Variants in EBF3 observed in about 807,000 individuals in gnomAD.
The protein encoded by EBF3 is EBF transcription factor 3.
EBF3 carries 18 observed loss-of-function variants against 77.1 expected under a neutral mutation model. The ratio of observed to expected loss-of-function variants is 0.23; its 90% CI spans 0.16 to 0.35. EBF3 has a LOEUF of 0.35. EBF3 is among the 10% of genes least tolerant of loss of function. The pLI, the probability that EBF3 is intolerant of heterozygous loss-of-function variation, is 1.00. For missense variants in EBF3, 558 were observed against 860.0 expected, an observed-to-expected ratio of 0.65 and a Z score of 4.39; for synonymous variants, 350 against 343.5, an observed-to-expected ratio of 1.02 and a Z score of -0.21.
chr10:129,875,189 T>TCTTC (rs1364426105), intron 7 of EBF3, among the ~76,000 whole-genome samples: 2 of 99,462 alleles, frequency 2.0e-5, no homozygotes, highest in African/African-American at 7.5e-5. Context: ...GGCTTCTTCT[T>TCTTC]TTTTTTTTTT....
In EBF3 at chr10:129,914,252, C is replaced by T. The variant is rs141994168; in HGVS notation, c.555-36403G>A. Among the ~76,000 whole-genome samples, 631 of 152,260 alleles carry T rather than the reference C, an allele frequency of 4.1e-3. 9 individuals are homozygous for T. The highest frequency in any genetic ancestry group is 0.014 in the African/African-American group (592 of 41,556). ...TGAAGACCGAGGCGGCTGAGGAGGG[C>T]AATCTTGCACATTTCAGACAAAGAG... On this transcript the variant is annotated intron_variant, in intron 6 of 16. Transcript: ENST00000440978.
intron 6 of EBF3, among the ~76,000 whole-genome samples, chr10:129,946,396 G>C (rs1371037488): frequency 6.6e-6 from 1 of 152,276 alleles, no homozygotes; most frequent in African/African-American, 2.4e-5. Flanking sequence ...GAGGAAACAT[G>C]AGCGGCAGTT....
intron 10 of EBF3, among the ~76,000 whole-genome samples, chr10:129,849,707 G>A (rs1361999895): frequency 6.6e-6 from 1 of 152,220 alleles, no homozygotes; most frequent in Non-Finnish European, 1.5e-5. Flanking sequence ...ATACATCCCG[G>A]AGATAAAGGT....
intron 6 of EBF3, among the ~76,000 whole-genome samples, chr10:129,949,628 C>T (rs1014068882): frequency 3.3e-5 from 5 of 152,268 alleles, no homozygotes; most frequent in East Asian, 1.9e-4. Context: ...AATCAAATCC[C>T]GGGCTTGTAC....
chr10:129,883,053 G>C (rs534044756), intron 6 of EBF3, among the ~76,000 whole-genome samples: 5 of 152,202 alleles, frequency 3.3e-5, no homozygotes, highest in Non-Finnish European at 7.4e-5. Flanking sequence ...CTTGCTTTTT[G>C]CATGTGGCTA....
At chr10:129,898,955 G>A (rs895408402) in intron 6 of EBF3, among the ~76,000 whole-genome samples, 24 of 152,206 alleles carry the variant, frequency 1.6e-4, no homozygotes, top group African/African-American at 5.3e-4. Flanking sequence ...AGGAGAAGAC[G>A]TTTTTGGTGT....
intron 11 of EBF3, among the ~76,000 whole-genome samples, chr10:129,847,640 A>G (rs1850564896): frequency 1.3e-5 from 2 of 152,218 alleles, no homozygotes. Flanking sequence ...AATCAGCCAT[A>G]ATGTTATGAC....
chr10:129,875,202 T>C (rs1255307324), intron 7 of EBF3, among the ~76,000 whole-genome samples: 1 of 138,448 alleles, frequency 7.2e-6, no homozygotes, highest in African/African-American at 2.8e-5. Context: ...TTTTTTTTTT[T>C]TTTTTTTTTT....
chr10:129,919,348 C>A (rs992091706), intron 6 of EBF3, among the ~76,000 whole-genome samples: 1 of 152,064 alleles, frequency 6.6e-6, no homozygotes, highest in Non-Finnish European at 1.5e-5. Flanking sequence ...TGGGAGGGGT[C>A]TGGCCCAGCA....
At position 129,938,965 on chromosome 10, in the gene EBF3, C is replaced by T. The variant is rs1339972213; in HGVS notation, c.554+18293G>A. On this transcript the variant is annotated intron_variant, in intron 6 of 16. Coordinates refer to ENST00000440978, the MANE Select transcript of EBF3 (RefSeq NM_001375380.1). The surrounding 1 kb of genome is among the most constrained non-coding windows in gnomAD (Gnocchi z 5.1). Reference sequence around the variant, plus strand: ...ATCCTTTAAACAGCTCCTAGAACCTCTGACCTGTCCCAAACAAATAAATGA... The same window carrying T: ...ATCCTTTAAACAGCTCCTAGAACCTTTGACCTGTCCCAAACAAATAAATGA... 2.6e-5 allele frequency among the ~76,000 whole-genome samples: 4 copies of T among 152,234 alleles called. No individual in the cohort carries two copies. Among genetic ancestry groups the T allele is most frequent in the Non-Finnish European group, 5.9e-5 (4 of 68,044 alleles).
At chr10:129,856,276 C>CA (rs904860077) in intron 10 of EBF3, among the ~76,000 whole-genome samples, 50 of 147,550 alleles carry the variant, frequency 3.4e-4, no homozygotes, top group South Asian at 4.3e-4. Context: ...CATATGTTCA[C>CA]AAAAAAAAAA....
intron 14 of EBF3, 65 bp from the exon 15 acceptor site, chr10:129,840,507 A>T (rs572522850): frequency 6.6e-7 from 1 of 1,511,506 alleles, no homozygotes; most frequent in Non-Finnish European, 8.9e-7. Flanking sequence ...AGAGGGCACC[A>T]AAGGCCTCGC....
chr10:129,928,162 T>C (rs1201057292), intron 6 of EBF3, among the ~76,000 whole-genome samples: 2 of 152,296 alleles, frequency 1.3e-5, no homozygotes, highest in East Asian at 3.9e-4. Flanking sequence ...GGCAGAAACC[T>C]GACAGACGTG....
chr10:129,858,224 C>T (rs577147483), intron 10 of EBF3, among the ~76,000 whole-genome samples: 3 of 152,186 alleles, frequency 2.0e-5, no homozygotes, highest in African/African-American at 4.8e-5. Flanking sequence ...TGGTGTCTGC[C>T]GGTGACACGT....
intron 6 of EBF3, among the ~76,000 whole-genome samples, chr10:129,941,821 G>A (rs1857763463): frequency 6.6e-6 from 1 of 152,122 alleles, no homozygotes; most frequent in South Asian, 2.1e-4. Flanking sequence ...AGCTACCAAA[G>A]AAGGGCTCTG....
intron 6 of EBF3, among the ~76,000 whole-genome samples, chr10:129,930,671 A>G (rs993051575): frequency 2.2e-5 from 3 of 138,450 alleles, no homozygotes; most frequent in African/African-American, 8.2e-5. Flanking sequence ...ATCTATATCT[A>G]TACCTGTCTA....
At position 129,836,985 on chromosome 10, in the gene EBF3, G is replaced by C. The variant is rs942147364; in HGVS notation, c.*958C>G. On this transcript the variant is annotated 3_prime_UTR_variant, in exon 17 of 17. Transcript: ENST00000440978. ...TTAAGTGGATCTGAAAAAAATTCAA[G>C]ACAAGTGTATAAATATTTAGCTACA... The C allele has an allele frequency of 6.6e-6, 1 of 152,482 alleles. No individual in the cohort carries two copies. Among genetic ancestry groups the C allele is most frequent in the Non-Finnish European group, 1.5e-5 (1 of 67,998 alleles). The allele number at this position is 152,482 out of a possible 1,614,324, so 9.4% of individuals were successfully genotyped here. A position where few individuals can be genotyped will look rare whatever the true frequency, so the allele number is the denominator to read the frequency against.
chr10:129,880,427 GCA>G (rs1191848589), intron 6 of EBF3, among the ~76,000 whole-genome samples: 2 of 151,806 alleles, frequency 1.3e-5, no homozygotes, highest in African/African-American at 4.8e-5. Context: ...ATGCACACAT[GCA>G]GACACACACG....
At chr10:129,931,399 C>A (rs1284904810) in intron 6 of EBF3, among the ~76,000 whole-genome samples, 1 of 152,184 alleles carries the variant, frequency 6.6e-6, no homozygotes, top group Non-Finnish European at 1.5e-5. Flanking sequence ...AGTGTGGCAA[C>A]AAGACTCTGC....
Sources: allele counts gnomAD v4.1 joint callset (sites outside exome capture counted in the v4.1 genomes callset), GRCh38; gene constraint gnomAD v4.1.1; non-coding constraint Gnocchi (gnomAD v3.1); transcripts MANE v1.5; gene names NCBI Gene and HGNC (gene_info 2026-07-23, HGNC 2026-07-21).